CSMD3: variants seen among roughly 807,000 people sequenced by gnomAD.
CSMD3 encodes CUB and Sushi multiple domains 3.
A neutral mutation model predicts 435.2 loss-of-function variants in CSMD3; 177 were observed. The ratio of observed to expected loss-of-function variants is 0.41; its 90% CI spans 0.36 to 0.46. The LOEUF (loss-of-function observed/expected upper bound fraction) is 0.46, where lower values mean the gene tolerates loss of function less well. Among genes scored for constraint, CSMD3 ranks in the 20% least tolerant of loss-of-function variants. The pLI is 0.34. For synonymous variants in CSMD3, 1,656 were observed against 1,520.5 expected (o/e 1.09, Z -2.07); for missense variants, 4,265 against 4,504.6 (o/e 0.95, Z 1.52).
At chr8:112,494,488 T>C (rs1173915947) in intron 30 of CSMD3, among the ~76,000 whole-genome samples, 7 of 103,808 alleles carry the variant, frequency 6.7e-5, no homozygotes, top group African/African-American at 1.9e-4. Context: ...TTTTGTTTCT[T>C]TCTCTCCTTT....
At chr8:113,300,867 C>T (rs2093760570) in intron 2 of CSMD3, among the ~76,000 whole-genome samples, 1 of 152,008 alleles carries the variant, frequency 6.6e-6, no homozygotes, top group Admixed American at 6.6e-5. Flanking sequence ...ATTTATTATA[C>T]AAGTGTGACA....
intron 4 of CSMD3, among the ~76,000 whole-genome samples, chr8:113,145,872 G>T (rs1224662083): frequency 1.3e-5 from 2 of 151,462 alleles, no homozygotes; most frequent in East Asian, 3.9e-4. Flanking sequence ...GGCCACACAG[G>T]CATAGTTAGT....
intron 10 of CSMD3, among the ~76,000 whole-genome samples, chr8:112,882,881 C>T (rs2081486607): frequency 6.6e-6 from 1 of 152,024 alleles, no homozygotes; most frequent in Non-Finnish European, 1.5e-5. Flanking sequence ...TTTCTTTAGC[C>T]TAATAAGTTG....
At chr8:112,738,862 C>G (rs1377910931) in intron 13 of CSMD3, among the ~76,000 whole-genome samples, 1 of 151,292 alleles carries the variant, frequency 6.6e-6, no homozygotes. Flanking sequence ...TTTTCATTCA[C>G]CACTTATTGC....
intron 1 of CSMD3, among the ~76,000 whole-genome samples, chr8:113,330,869 C>G (rs997483559): frequency 2.0e-5 from 3 of 151,700 alleles, no homozygotes; most frequent in Admixed American, 6.6e-5. Flanking sequence ...ATGGATATAA[C>G]AACAAAGCAG....
intron 1 of CSMD3, among the ~76,000 whole-genome samples, chr8:113,326,677 A>C (rs898772026): frequency 6.6e-6 from 1 of 152,138 alleles, no homozygotes; most frequent in Non-Finnish European, 1.5e-5. Context: ...TAACTAATAC[A>C]AATTATCTGC....
intron 3 of CSMD3, among the ~76,000 whole-genome samples, chr8:113,202,957 A>G (rs2132037906): frequency 6.6e-6 from 1 of 152,248 alleles, no homozygotes; most frequent in East Asian, 1.9e-4. Flanking sequence ...TTGGCAATTT[A>G]TGGAATTACA....
rs1382648619 is a variant in CSMD3, at chr8:112,947,659, TA to T, written c.1508+130del. On this transcript the variant is annotated intron_variant, in intron 9 of 70. Transcript: ENST00000297405. ...CTTTAAAATAATTAGATATTATTAA[TA>T]ACAATACATTGATAAAATGCAGTTT... 4 of 550,104 alleles carry T rather than the reference TA, an allele frequency of 7.3e-6. No individual in the cohort carries two copies. In the Admixed American group the frequency reaches 1.3e-4, roughly 17 times the overall value. 34.1% of individuals were successfully genotyped at this position (550,104 alleles called of 1,614,324 possible). A position where few individuals can be genotyped will look rare whatever the true frequency, so the allele number is the denominator to read the frequency against.
chr8:112,611,117 T>C (rs1052871960), intron 22 of CSMD3, among the ~76,000 whole-genome samples: 3 of 152,208 alleles, frequency 2.0e-5, no homozygotes, highest in African/African-American at 7.2e-5. Flanking sequence ...TGAACAATTC[T>C]TCATTATGAC....
intron 63 of CSMD3, among the ~76,000 whole-genome samples, chr8:112,249,341 C>A (rs1002823116): frequency 1.4e-5 from 2 of 147,344 alleles, no homozygotes; most frequent in African/African-American, 5.0e-5. Context: ...TCACAATCAC[C>A]AAAAGGACTT....
intron 27 of CSMD3, among the ~76,000 whole-genome samples, chr8:112,542,485 C>T (rs1826772218): frequency 6.6e-6 from 1 of 151,682 alleles, no homozygotes; most frequent in Non-Finnish European, 1.5e-5. Context: ...AATCAACATA[C>T]AAAAATCAAT....
chr8:113,020,132 C>T (rs1266706773), intron 5 of CSMD3, among the ~76,000 whole-genome samples: 1 of 140,482 alleles, frequency 7.1e-6, no homozygotes, highest in African/African-American at 2.7e-5. Context: ...CACTGCAGTC[C>T]GCAGTCCGGC....
Position 113,011,476 on chromosome 8 carries a change from A to AT in CSMD3, c.1030+7590dup, listed in dbSNP as rs2086253597. 2.0e-5 allele frequency among the ~76,000 whole-genome samples: 3 copies of AT among 151,814 alleles called. No individual in the cohort carries two copies. In the South Asian group the frequency reaches 6.2e-4, roughly 31 times the overall value. On this transcript the variant is annotated intron_variant, in intron 6 of 70. Transcript: ENST00000297405. The stretch of plus-strand genomic sequence containing the variant: ...CAATATTTAGCCACTTTTCTATCAA[A>AT]TACACATACAACTAATGAACAGAAA...
At chr8:112,538,606 CA>C in intron 27 of CSMD3, among the ~76,000 whole-genome samples, 1 of 151,868 alleles carries the variant, frequency 6.6e-6, no homozygotes. Context: ...ACAATAGCTA[CA>C]AAATATATAA....
intron 5 of CSMD3, among the ~76,000 whole-genome samples, chr8:113,093,176 C>T (rs1056426712): frequency 6.6e-6 from 1 of 151,798 alleles, no homozygotes; most frequent in Non-Finnish European, 1.5e-5. Flanking sequence ...CAGATAGAAA[C>T]AAAGCAAGAG....
At chr8:112,362,995 G>C (rs932879746) in intron 38 of CSMD3, among the ~76,000 whole-genome samples, 1 of 151,992 alleles carries the variant, frequency 6.6e-6, no homozygotes, top group Non-Finnish European at 1.5e-5. Context: ...AATATAGACT[G>C]TGAACAGTCC....
intron 1 of CSMD3, among the ~76,000 whole-genome samples, chr8:113,410,873 C>A (rs931866545): frequency 7.4e-6 from 1 of 134,648 alleles, no homozygotes; most frequent in Non-Finnish European, 1.6e-5. Context: ...CTACTGTACT[C>A]CAGCCTTGTG....
chr8:113,051,621 G>C (rs1271612921), intron 5 of CSMD3, among the ~76,000 whole-genome samples: 2 of 152,086 alleles, frequency 1.3e-5, no homozygotes, highest in Non-Finnish European at 2.9e-5. Context: ...TATTTGAATT[G>C]TTTTAAGGTC....
intron 31 of CSMD3, among the ~76,000 whole-genome samples, chr8:112,481,347 C>T (rs1199655660): frequency 1.3e-5 from 2 of 152,314 alleles, no homozygotes; most frequent in East Asian, 3.9e-4. Context: ...ATACAGGCAA[C>T]ATAGCCTTAA....
Sources: allele counts gnomAD v4.1 joint callset (sites outside exome capture counted in the v4.1 genomes callset), GRCh38; gene constraint gnomAD v4.1.1; transcripts MANE v1.5; gene names NCBI Gene and HGNC (gene_info 2026-07-23, HGNC 2026-07-21).